HGS: variants seen among roughly 807,000 people sequenced by gnomAD.
The protein encoded by HGS is human growth factor-regulated tyrosine kinase substrate.
Under a neutral mutation model 109.7 loss-of-function variants are expected in HGS, and 63 were observed. The observed-to-expected ratio is 0.57, with a 90% CI of 0.47 to 0.71. HGS has a LOEUF of 0.71. Among genes scored for constraint, HGS ranks in the 30% least tolerant of loss-of-function variants. The probability of loss-of-function intolerance (pLI) is 0.00; values close to 1 mark genes in which losing one functional copy is unlikely to be tolerated. For synonymous variants in HGS, 546 were observed against 437.3 expected, an observed-to-expected ratio of 1.25 and a Z score of -3.10; for missense variants, 995 against 1,068.3, an observed-to-expected ratio of 0.93 and a Z score of 0.96.
Position 81,688,830 on chromosome 17 carries a change from G to C in HGS, c.415+3G>C. On this transcript the variant is annotated splice_donor_region_variant and intron_variant, in intron 5 of 21. Coordinates refer to ENST00000329138, the MANE Select transcript of HGS (RefSeq NM_004712.5). Reference sequence around the variant, plus strand: ...CTACCAGATCATGAAGGTGGAGGGTGAGTCAGGACTGAGGTTGGGACCAGG... The same window carrying C: ...CTACCAGATCATGAAGGTGGAGGGTCAGTCAGGACTGAGGTTGGGACCAGG... 1 of 1,614,156 alleles carries C rather than the reference G, an allele frequency of 6.2e-7. No individual in the cohort carries two copies. Among genetic ancestry groups the C allele is most frequent in the Non-Finnish European group, 8.5e-7 (1 of 1,180,000 alleles).
At chr17:81,689,746 G>A (rs774222868) in intron 5 of HGS, among the ~76,000 whole-genome samples, 2 of 152,232 alleles carry the variant, frequency 1.3e-5, no homozygotes, top group Non-Finnish European at 2.9e-5. Context: ...TCAACTTTGG[G>A]GTGGTGGATG....
chr17:81,684,834 T>G (rs2036947660), intron 1 of HGS: 6 of 912,690 alleles, frequency 6.6e-6, no homozygotes, highest in Non-Finnish European at 7.9e-6. Context: ...AGACTTCAAG[T>G]GAGACACCTT....
intron 1 of HGS, 66 bp downstream of exon 1, chr17:81,684,169 GCGCGGCCC>G: frequency 7.3e-7 from 1 of 1,369,250 alleles, no homozygotes; most frequent in Non-Finnish European, 9.5e-7. Context: ...CGCTGAGTCA[GCGCGGCCC>G]CGAGGGCCCG....
chr17:81,688,193 C>T (rs1322053352), intron 4 of HGS, among the ~76,000 whole-genome samples: 1 of 151,550 alleles, frequency 6.6e-6, no homozygotes, highest in Non-Finnish European at 1.5e-5. Context: ...AGACGCGAGG[C>T]CAGGCTGCGC....
chr17:81,698,771 T>G (rs2037191584), intron 18 of HGS, among the ~76,000 whole-genome samples: 1 of 152,110 alleles, frequency 6.6e-6, no homozygotes, highest in African/African-American at 2.4e-5. Context: ...TTGTATATGA[T>G]AAAAACCGTG....
rs775307414 is a variant in HGS, at chr17:81,690,775, G to GGCCAGACACCAGGTCCCCT, written c.537+37_537+55dup. ...CCCACCTGGGGGGCTCTACAGCCCC[G>GGCCAGACACCAGGTCCCCT]GCCAGACACCAGGTCCCCTGCCGTG... On this transcript the variant is annotated intron_variant, in intron 7 of 21. Coordinates refer to ENST00000329138, the MANE Select transcript of HGS (RefSeq NM_004712.5). 1.2e-5 allele frequency: 19 copies of GGCCAGACACCAGGTCCCCT among 1,582,326 alleles called. 1 individual carries two copies. In the South Asian group the frequency reaches 1.9e-4, roughly 16 times the overall value.
chr17:81,696,201 C>A, intron 15 of HGS, 156 bp from the exon 16 acceptor site: 2 of 1,027,816 alleles, frequency 1.9e-6, no homozygotes, highest in Non-Finnish European at 2.7e-6. Context: ...CCCTGCCCTG[C>A]CCAGGACCCT....
chr17:81,684,359 G>C, intron 1 of HGS: 1 of 349,628 alleles, frequency 2.9e-6, no homozygotes, highest in Non-Finnish European at 5.1e-6. Flanking sequence ...CGGCGACCTC[G>C]CTCCTCCGCG....
intron 6 of HGS, 185 bp from the exon 7 acceptor site, chr17:81,690,489 C>T (rs951077608): frequency 3.2e-5 from 20 of 623,862 alleles, no homozygotes; most frequent in African/African-American, 2.8e-4. Flanking sequence ...GGAAGGAAGT[C>T]CCTTCCTCAG....
chr17:81,701,178 A>C (rs897724154), intron 21 of HGS, 47 bp downstream of exon 21: 4 of 1,531,048 alleles, frequency 2.6e-6, no homozygotes, highest in Non-Finnish European at 3.6e-6. Context: ...GGGCACCCTC[A>C]GGCTTCACGG....
Position 81,696,007 on chromosome 17 carries a change from C to T in HGS, c.1393+8C>T. On this transcript the variant is annotated splice_region_variant and intron_variant, in intron 15 of 21. Transcript: ENST00000329138. Reference sequence around the variant, plus strand: ...AGCTGGACGAGCGCAGGCGTAGGTGCCCGCGCCACGGGGCCTCGGCTCAGG... The same window carrying T: ...AGCTGGACGAGCGCAGGCGTAGGTGTCCGCGCCACGGGGCCTCGGCTCAGG... The T allele has an allele frequency of 1.9e-6, 3 of 1,541,044 alleles. No individual in the cohort carries two copies. Among genetic ancestry groups the T allele is most frequent in the Non-Finnish European group, 1.8e-6 (2 of 1,142,242 alleles).
At chr17:81,686,441 C>CA in intron 3 of HGS, 54 bp downstream of exon 3, 1 of 1,286,588 alleles carries the variant, frequency 7.8e-7, no homozygotes, top group Non-Finnish European at 1.1e-6. Context: ...CCCTACTAGT[C>CA]ACGACAGCAT....
chr17:81,684,612 A>G (rs1276433044), intron 1 of HGS, among the ~76,000 whole-genome samples: 2 of 152,112 alleles, frequency 1.3e-5, no homozygotes, highest in Non-Finnish European at 2.9e-5. Context: ...GGAAGTGCCT[A>G]ATGGTTTAGG....
Position 81,687,092 on chromosome 17 carries a change from G to A in HGS, c.288G>A (p.Leu96=). 4.3e-6 allele frequency: 7 copies of A among 1,611,996 alleles called. No homozygotes were observed. The highest frequency in any genetic ancestry group is 5.9e-6 in the Non-Finnish European group (7 of 1,179,148). ...CCATGGAGGAGCTGAAGGACCTGCT[G>A]AAGGTGGGTGAGACGGGGGCATGCG... ...KQTMEELKDL[L]KRQVEVNVRN... The change falls in exon 4 of 22, where the codon CTG becomes CTA. Residue 96 remains leucine (L), a synonymous_variant. Transcript: ENST00000329138.
chr17:81,685,289 C>G (rs1293218605), intron 1 of HGS, among the ~76,000 whole-genome samples: 4 of 152,214 alleles, frequency 2.6e-5, no homozygotes, highest in Non-Finnish European at 4.4e-5. Context: ...AAGAGTGAAT[C>G]AGCCTCTGTC....
At chr17:81,692,531 C>G (rs76580520) in intron 8 of HGS, 1 of 152,250 alleles carries the variant, frequency 6.6e-6, no homozygotes, top group Admixed American at 6.5e-5. Context: ...AAGTCCCGTC[C>G]GTCGCAGCCA....
Position 81,700,495 on chromosome 17 carries a change from C to A in HGS, c.1911C>A (p.Tyr637Ter). The A allele has an allele frequency of 6.2e-7, 1 of 1,600,422 alleles. No individual in the cohort carries two copies. The highest frequency in any genetic ancestry group is 1.1e-5 in the South Asian group (1 of 89,294). ...ADPSMVSAYM[Y>*]PAGATGAQAA... ...CCAGCATGGTGAGTGCCTACATGTA[C>A]CCAGCAGGGGCCACTGGGGCGCAGG... Residue 637 changes from tyrosine (Y) to a stop codon, truncating the protein, a stop_gained, in exon 19 of 22, where the codon TAC (tyrosine) becomes TAA (stop). Coordinates refer to ENST00000329138, the MANE Select transcript of HGS (RefSeq NM_004712.5). LOFTEE classifies it high-confidence loss of function.
At chr17:81,690,770 G>T (rs1401954106) in intron 7 of HGS, 28 bp downstream of exon 7, 1 of 1,598,520 alleles carries the variant, frequency 6.3e-7, no homozygotes, top group East Asian at 2.2e-5. Context: ...GGGCTCTACA[G>T]CCCCGGCCAG....
At position 81,693,540 on chromosome 17, in the gene HGS, C is replaced by G; in HGVS notation, c.700C>G (p.Pro234Ala). Residue 234 changes from proline to alanine, a missense_variant, in exon 9 of 22, where the codon CCC becomes GCC. Physicochemically the swap from Pro to Ala is conservative, Grantham distance 27. Transcript: ENST00000329138. Reference sequence around the variant, plus strand: ...AAAGGCCACTTCCACCACTGAGCTGCCCCCCGAGTACCTGACCAGCCCCCT... The same window carrying G: ...AAAGGCCACTTCCACCACTGAGCTGGCCCCCGAGTACCTGACCAGCCCCCT... ...EGKATSTTEL[P>A]PEYLTSPLSQ... The G allele has an allele frequency of 6.2e-7, 1 of 1,612,620 alleles. No homozygotes were observed. The highest frequency in any genetic ancestry group is 1.1e-5 in the South Asian group (1 of 90,998).
Sources: allele counts gnomAD v4.1 joint callset (sites outside exome capture counted in the v4.1 genomes callset), GRCh38; gene constraint gnomAD v4.1.1; transcripts MANE v1.5; gene names NCBI Gene and HGNC (gene_info 2026-07-23, HGNC 2026-07-21).